MDFIC2: variants seen among roughly 807,000 people sequenced by gnomAD.
The protein encoded by MDFIC2 is myoD family inhibitor domain-containing protein 2.
chr3:70,311,685 C>T (rs545268848), intron 2 of MDFIC2, among the ~76,000 whole-genome samples: 5 of 151,570 alleles, frequency 3.3e-5, no homozygotes, highest in Non-Finnish European at 7.4e-5. Context: ...ACAGGGACCA[C>T]AAGAAGCATT....
At chr3:70,304,018 G>A (rs1702376752) in intron 2 of MDFIC2, among the ~76,000 whole-genome samples, 1 of 152,132 alleles carries the variant, frequency 6.6e-6, no homozygotes, top group African/African-American at 2.4e-5. Context: ...TAGTAGGATA[G>A]AGTTTACTAC....
At chr3:70,216,906 C>T (rs1200835156) in intron 2 of MDFIC2, among the ~76,000 whole-genome samples, 5 of 152,138 alleles carry the variant, frequency 3.3e-5, no homozygotes, top group African/African-American at 7.2e-5. Context: ...ACCTATTATG[C>T]ACAGGGACCC....
rs1701173879 is a variant in MDFIC2, at chr3:70,195,943, C to T, written c.*983G>A. Among the ~76,000 whole-genome samples the T allele has an allele frequency of 6.6e-6, 1 of 152,100 alleles. No homozygotes were observed. The highest frequency in any genetic ancestry group is 2.4e-5 in the African/African-American group (1 of 41,414). The stretch of plus-strand genomic sequence containing the variant: ...ATAAGTACTTGACATAATTATTGAT[C>T]ACTTTAATTATCAGACAAAGAAAAA... On this transcript the variant is annotated 3_prime_UTR_variant, in exon 4 of 4. Coordinates refer to ENST00000567252, the MANE Select transcript of MDFIC2 (RefSeq NM_001364677.1).
intron 1 of MDFIC2, 29 bp downstream of exon 1, chr3:70,312,522 T>C (rs1702463271): frequency 6.6e-6 from 1 of 152,256 alleles, no homozygotes; most frequent in Admixed American, 6.5e-5. Context: ...CAATGAGCTC[T>C]GCTTGAATCA....
At chr3:70,252,428 T>C (rs1026094904) in intron 2 of MDFIC2, among the ~76,000 whole-genome samples, 3 of 152,182 alleles carry the variant, frequency 2.0e-5, no homozygotes, top group Non-Finnish European at 4.4e-5. Flanking sequence ...ACATAAACTA[T>C]TGTGGTAATA....
At chr3:70,207,705 G>A (rs1262123291) in intron 2 of MDFIC2, among the ~76,000 whole-genome samples, 1 of 151,954 alleles carries the variant, frequency 6.6e-6, no homozygotes, top group Non-Finnish European at 1.5e-5. Context: ...CACTTACATA[G>A]CATTTACATA....
intron 2 of MDFIC2, among the ~76,000 whole-genome samples, chr3:70,238,420 C>T (rs556711185): frequency 1.8e-4 from 28 of 151,916 alleles, no homozygotes; most frequent in Non-Finnish European, 3.7e-4. Context: ...ACTAGCCTGG[C>T]AACATGTAGA....
intron 2 of MDFIC2, among the ~76,000 whole-genome samples, chr3:70,275,835 C>T (rs571370874): frequency 6.6e-6 from 1 of 152,244 alleles, no homozygotes; most frequent in East Asian, 1.9e-4. Flanking sequence ...AAGAACTTTT[C>T]TGCTAAAATA....
intron 2 of MDFIC2, among the ~76,000 whole-genome samples, chr3:70,297,161 T>A (rs1269778581): frequency 6.6e-6 from 1 of 152,172 alleles, no homozygotes; most frequent in Non-Finnish European, 1.5e-5. Context: ...CACAGTACAC[T>A]GCTTGTCAAA....
intron 2 of MDFIC2, among the ~76,000 whole-genome samples, chr3:70,269,420 A>G (rs1701954133): frequency 6.6e-6 from 1 of 152,288 alleles, no homozygotes; most frequent in East Asian, 1.9e-4. Flanking sequence ...TTGGCCAATC[A>G]AAGGCAGTCA....
chr3:70,221,944 T>C (rs1701464088), intron 2 of MDFIC2, among the ~76,000 whole-genome samples: 1 of 152,180 alleles, frequency 6.6e-6, no homozygotes, highest in Non-Finnish European at 1.5e-5. Flanking sequence ...GTTGGGTAGA[T>C]TAGTCACCTC....
chr3:70,215,732 A>G (rs1021503849), intron 2 of MDFIC2, among the ~76,000 whole-genome samples: 6 of 152,128 alleles, frequency 3.9e-5, no homozygotes, highest in South Asian at 2.1e-4. Flanking sequence ...ATTCAGCTCA[A>G]TTTCTCAGAA....
At chr3:70,279,536 G>A (rs1317240007) in intron 2 of MDFIC2, among the ~76,000 whole-genome samples, 1 of 152,136 alleles carries the variant, frequency 6.6e-6, no homozygotes, top group African/African-American at 2.4e-5. Context: ...CTTGCCAAAT[G>A]TGTCACCCCA....
At chr3:70,276,442 T>A (rs901150730) in intron 2 of MDFIC2, among the ~76,000 whole-genome samples, 3 of 152,216 alleles carry the variant, frequency 2.0e-5, no homozygotes, top group Non-Finnish European at 4.4e-5. Flanking sequence ...TCTTTGCATA[T>A]GCCTCTCATT....
At chr3:70,259,197 T>C (rs565133332) in intron 2 of MDFIC2, among the ~76,000 whole-genome samples, 1 of 152,262 alleles carries the variant, frequency 6.6e-6, no homozygotes, top group South Asian at 2.1e-4. Flanking sequence ...TCTAGCCATT[T>C]CCCAGAACAC....
Position 70,196,692 on chromosome 3 carries a change from C to G in MDFIC2, c.*234G>C, listed in dbSNP as rs1701184825. ...ATTTAAGAGGTATTTAAGATTTGTT[C>G]ATCACATGTGATCAAGAATCTTATT... On this transcript the variant is annotated 3_prime_UTR_variant, in exon 4 of 4. Transcript: ENST00000567252. Among the ~76,000 whole-genome samples the G allele has an allele frequency of 6.6e-6, 1 of 152,162 alleles. No homozygotes were observed. The highest frequency in any genetic ancestry group is 1.5e-5 in the Non-Finnish European group (1 of 68,028).
intron 2 of MDFIC2, among the ~76,000 whole-genome samples, chr3:70,233,605 C>T (rs1039566989): frequency 3.3e-5 from 5 of 152,216 alleles, no homozygotes; most frequent in Non-Finnish European, 5.9e-5. Context: ...ACATTTCCAT[C>T]ATACCCTCTG....
chr3:70,248,496 A>C (rs1701729949), intron 2 of MDFIC2, among the ~76,000 whole-genome samples: 1 of 152,156 alleles, frequency 6.6e-6, no homozygotes, highest in Non-Finnish European at 1.5e-5. Context: ...AAGTAGGCAT[A>C]GCTCAGAACT....
intron 2 of MDFIC2, among the ~76,000 whole-genome samples, chr3:70,254,654 A>T (rs1379861496): frequency 6.6e-6 from 1 of 152,192 alleles, no homozygotes; most frequent in Non-Finnish European, 1.5e-5. Context: ...CTAGAAGTTT[A>T]CTATTTAAGT....
Sources: gnomAD v4.1 joint callset for allele counts (sites outside exome capture counted in the v4.1 genomes callset) on GRCh38, gnomAD v4.1.1 for gene constraint, MANE v1.5 for transcripts, NCBI Gene and HGNC (gene_info 2026-07-23, HGNC 2026-07-21) for gene names.